TBC1D1: variants seen among roughly 807,000 people sequenced by gnomAD.
TBC1D1 encodes TBC1 (tre-2/USP6, BUB2, cdc16) domain family, member 1.
TBC1D1 carries 89 observed loss-of-function variants against 125.6 expected under a neutral mutation model. The ratio of observed to expected loss-of-function variants is 0.71; its 90% CI spans 0.60 to 0.85. TBC1D1 has a LOEUF of 0.85. Among genes scored for constraint, TBC1D1 ranks in the 40% least tolerant of loss-of-function variants. The pLI is 0.00. For synonymous variants in TBC1D1, 565 were observed against 564.1 expected (o/e 1.00, Z -0.02); for missense variants, 1,377 against 1,469.2 (o/e 0.94, Z 1.03).
chr4:37,963,184 C>T (rs1730378312), intron 2 of TBC1D1, among the ~76,000 whole-genome samples: 1 of 152,202 alleles, frequency 6.6e-6, no homozygotes, highest in South Asian at 2.1e-4. Flanking sequence ...TTAGGCCATT[C>T]TTGCATCGCT....
intron 13 of TBC1D1, 34 bp downstream of exon 15, chr4:38,090,151 G>A: frequency 6.2e-7 from 1 of 1,602,346 alleles, no homozygotes; most frequent in Middle Eastern, 1.7e-4. Flanking sequence ...AACAGGCCTG[G>A]TCTTATCTTG....
intron 15 of TBC1D1, among the ~76,000 whole-genome samples, chr4:38,113,834 G>T (rs746328308): frequency 2.1e-4 from 32 of 152,190 alleles, no homozygotes; most frequent in Non-Finnish European, 3.5e-4. Flanking sequence ...GGATTTCAAA[G>T]ACTTGGCATG....
At chr4:38,017,906 A>T (rs1743144006) in intron 3 of TBC1D1, among the ~76,000 whole-genome samples, 2 of 152,246 alleles carry the variant, frequency 1.3e-5, no homozygotes, top group Admixed American at 1.3e-4. Context: ...TAACTTGAAA[A>T]GGTCCGGTCA....
chr4:37,900,407 CTTTT>C lies in TBC1D1; in HGVS notation c.-93-1584_-93-1581del, dbSNP rs10612576. Among the ~76,000 whole-genome samples, 55 of 140,742 alleles carry C rather than the reference CTTTT, an allele frequency of 3.9e-4. No homozygotes were observed. The South Asian group carries it at 6.8e-3, about 17-fold the overall frequency. 92.3% of individuals were successfully genotyped at this position (140,742 alleles called of 152,430 possible). A position where few individuals can be genotyped will look rare whatever the true frequency, so the allele number is the denominator to read the frequency against. ...GGAAGTTTGAAATCAAAGGAAATAT[CTTTT>C]TTTTTTTTTTTCGATTGGAGAGACC... On this transcript the variant is annotated intron_variant, in intron 1 of 19. Coordinates refer to ENST00000261439, the MANE Select transcript of TBC1D1 (RefSeq NM_015173.4).
chr4:38,089,783 A>T, intron 12 of TBC1D1, 149 bp from the exon 15 acceptor site: 1 of 770,342 alleles, frequency 1.3e-6, no homozygotes, highest in South Asian at 2.6e-5. Context: ...GACGTGGCTT[A>T]TGCCAATGCA....
intron 6 of TBC1D1, among the ~76,000 whole-genome samples, chr4:38,023,132 A>G (rs539461291): frequency 1.3e-5 from 2 of 152,008 alleles, no homozygotes; most frequent in African/African-American, 4.8e-5. Flanking sequence ...CTGTAATTCC[A>G]GCTACTTGGG....
chr4:38,100,477 G>A (rs907015871), intron 14 of TBC1D1, among the ~76,000 whole-genome samples: 2 of 152,130 alleles, frequency 1.3e-5, no homozygotes, highest in Admixed American at 6.6e-5. Context: ...TGGATATAGG[G>A]CCCATCTGGA....
intron 12 of TBC1D1, among the ~76,000 whole-genome samples, chr4:38,073,140 A>G (rs745579420): frequency 3.3e-4 from 50 of 152,364 alleles, no homozygotes; most frequent in Non-Finnish European, 6.2e-4. Context: ...ATATGTACCC[A>G]GAAGTGGGTT....
chr4:37,938,446 A>T (rs773840241), intron 2 of TBC1D1, among the ~76,000 whole-genome samples: 1 of 152,186 alleles, frequency 6.6e-6, no homozygotes, highest in Non-Finnish European at 1.5e-5. Context: ...CAAACATAAG[A>T]CACTTTGATA....
chr4:37,975,684 T>C (rs1732931626), intron 2 of TBC1D1, among the ~76,000 whole-genome samples: 1 of 152,206 alleles, frequency 6.6e-6, no homozygotes, highest in South Asian at 2.1e-4. Flanking sequence ...GCTCGCACTC[T>C]TGTCTTCTGG....
intron 2 of TBC1D1, among the ~76,000 whole-genome samples, chr4:38,000,644 T>C (rs1442567811): frequency 6.6e-6 from 1 of 152,234 alleles, no homozygotes; most frequent in Admixed American, 6.5e-5. Context: ...TGAACACTTC[T>C]GACATCAGAT....
chr4:38,067,256 C>T (rs1346503918), intron 12 of TBC1D1, among the ~76,000 whole-genome samples: 1 of 152,140 alleles, frequency 6.6e-6, no homozygotes, highest in Non-Finnish European at 1.5e-5. Context: ...TAGTACCAAA[C>T]TATGAATTTT....
At position 37,902,509 on chromosome 4, in the gene TBC1D1, A is replaced by C. The variant is rs1199561537; in HGVS notation, c.414A>C (p.Thr138=). 1.3e-6 allele frequency: 2 copies of C among 1,590,968 alleles called. No individual in the cohort carries two copies. Among genetic ancestry groups the C allele is most frequent in the East Asian group, 4.5e-5 (2 of 44,594 alleles). The change falls in exon 2 of 20, where the codon ACA becomes ACC. Residue 138 remains threonine, a synonymous_variant. Coordinates refer to ENST00000261439, the MANE Select transcript of TBC1D1 (RefSeq NM_015173.4). ...ATGTGTTCAAAGCCGATGATCAAAC[A>C]AAAGTAAGTGAGATGGAGATCCAAA...
intron 1 of TBC1D1, among the ~76,000 whole-genome samples, chr4:37,895,293 G>A (rs1240306011): frequency 6.6e-6 from 1 of 152,164 alleles, no homozygotes; most frequent in East Asian, 1.9e-4. Flanking sequence ...AAGGAACACT[G>A]CAGGTAGGAG....
chr4:37,989,912 A>G (rs1461655157), intron 2 of TBC1D1, among the ~76,000 whole-genome samples: 1 of 152,250 alleles, frequency 6.6e-6, no homozygotes, highest in Non-Finnish European at 1.5e-5. Flanking sequence ...GTTAGACTCC[A>G]GAAAATAGTT....
At chr4:38,128,835 G>A (rs16994250) in intron 18 of TBC1D1, among the ~76,000 whole-genome samples, 4 of 152,212 alleles carry the variant, frequency 2.6e-5, no homozygotes, top group Non-Finnish European at 5.9e-5. Flanking sequence ...AAGAAGAATG[G>A]AAACTTTGGG....
rs1035223444 is a variant in TBC1D1, at chr4:38,118,070, A to G, written c.2840A>G (p.Tyr947Cys). Residue 947 changes from tyrosine to cysteine, a missense_variant, in exon 17 of 20, where the codon TAC becomes TGC. By Grantham distance (194) the Tyr-to-Cys change is radical (BLOSUM62 -2). Around this residue, in one of 3 missense-constraint regions of TBC1D1, gnomAD observed 543 missense variants for 613.5 expected, o/e 0.89. Coordinates refer to ENST00000261439, the MANE Select transcript of TBC1D1 (RefSeq NM_015173.4). ...CAGCTCTCGAGGTTGCTTCATGATT[A>G]CCACAGAGACCTCTACAATCACCTG... The G allele has an allele frequency of 1.9e-6, 3 of 1,614,032 alleles. No homozygotes were observed. The highest frequency in any genetic ancestry group is 1.7e-5 in the Admixed American group (1 of 60,000).
chr4:37,920,581 T>A (rs1437025291), intron 2 of TBC1D1, among the ~76,000 whole-genome samples: 1 of 152,050 alleles, frequency 6.6e-6, no homozygotes, highest in Non-Finnish European at 1.5e-5. Context: ...TGGAGCCGTT[T>A]GAGGGATGTT....
intron 2 of TBC1D1, among the ~76,000 whole-genome samples, chr4:38,003,657 C>T (rs55764953): frequency 0.094 from 14,253 of 151,920 alleles, 1,455 homozygotes; most frequent in East Asian, 0.54. Context: ...CCCTTGAGCC[C>T]AGGTGTTTAA....
Sources: gnomAD v4.1 joint callset for allele counts (sites outside exome capture counted in the v4.1 genomes callset) on GRCh38, gnomAD v4.1.1 for gene constraint, gnomAD v4.1.1 regional missense constraint, MANE v1.5 for transcripts, NCBI Gene and HGNC (gene_info 2026-07-23, HGNC 2026-07-21) for gene names.